ADGRL3: variants seen among roughly 807,000 people sequenced by gnomAD.
ADGRL3 encodes the protein calcium-independent alpha-latrotoxin receptor 3.
Under a neutral mutation model 153.5 loss-of-function variants are expected in ADGRL3, and 62 were observed. The observed-to-expected ratio is 0.40, with a 90% confidence interval of 0.33 to 0.50. ADGRL3 has a LOEUF of 0.50. Ranked by LOEUF, ADGRL3 falls within the 20% of genes least tolerant of loss-of-function variation. The pLI, the probability that ADGRL3 is intolerant of heterozygous loss-of-function variation, is 0.47. For synonymous variants in ADGRL3, 710 were observed against 672.5 expected (o/e 1.06, Z -0.86); for missense variants, 1,641 against 1,859.4 (o/e 0.88, Z 2.16).
At chr4:61,898,781 G>A (rs143492287) in intron 11 of ADGRL3, among the ~76,000 whole-genome samples, 268 of 152,002 alleles carry the variant, frequency 1.8e-3, no homozygotes, top group Non-Finnish European at 2.9e-3. Flanking sequence ...AACACTTGGC[G>A]AATTTTTTGT....
In ADGRL3 at chr4:62,070,593, G is replaced by T; in HGVS notation, c.4317G>T (p.Glu1439Asp). ...SESFFPLLTNEHTEDLQSPHR... is the reference protein window; with the variant it reads ...SESFFPLLTNDHTEDLQSPHR... ...GCTTTTTCCCTTTGCTAACCAACGA[G>T]CACACAGAAGATCTCCAGTCACCCC... Residue 1439 changes from glutamate (E) to aspartate (D), a missense_variant, in exon 27 of 27, where the codon GAG (glutamate) becomes GAT (aspartate). Glu to Asp is a conservative substitution (Grantham distance 45). Transcript: ENST00000683033. The T allele has an allele frequency of 6.4e-7, 1 of 1,550,888 alleles. No individual in the cohort carries two copies. Among genetic ancestry groups the T allele is most frequent in the African/African-American group, 1.4e-5 (1 of 72,774 alleles).
In ADGRL3 at chr4:62,038,669, T is replaced by G. The variant is rs534667831; in HGVS notation, c.3717+813T>G. On this transcript the variant is annotated intron_variant, in intron 24 of 26. Coordinates refer to ENST00000683033, the MANE Select transcript of ADGRL3 (RefSeq NM_001387552.1). ...CAGGCTGGAGTGCAGTGGTACAATC[T>G]CAGCTCACTGAAACCCCTTCCCCCT... Among the ~76,000 whole-genome samples, 15 of 152,258 alleles carry G rather than the reference T, an allele frequency of 9.9e-5. No homozygotes were observed. The East Asian group carries it at 2.7e-3, about 27-fold the overall frequency.
chr4:61,758,027 T>A (rs2096859423), intron 8 of ADGRL3, among the ~76,000 whole-genome samples: 1 of 152,110 alleles, frequency 6.6e-6, no homozygotes, highest in Admixed American at 6.6e-5. Flanking sequence ...TGCTGAGGAG[T>A]GCTTTACTTC....
chr4:61,607,497 C>T (rs572498828), intron 5 of ADGRL3, among the ~76,000 whole-genome samples: 6 of 152,014 alleles, frequency 3.9e-5, no homozygotes, highest in South Asian at 2.1e-4. Flanking sequence ...CTACTCAGGA[C>T]GCTGAAGCAG....
At chr4:61,291,810 A>T (rs1218220236) in intron 1 of ADGRL3, among the ~76,000 whole-genome samples, 3 of 148,366 alleles carry the variant, frequency 2.0e-5, no homozygotes, top group Non-Finnish European at 4.4e-5. Flanking sequence ...GAGACGTTCT[A>T]TATGCGAAGA....
chr4:61,235,449 A>C (rs1176931224), intron 1 of ADGRL3, among the ~76,000 whole-genome samples: 1 of 152,204 alleles, frequency 6.6e-6, no homozygotes, highest in Non-Finnish European at 1.5e-5. Context: ...ATGATACTGT[A>C]GTGTATTAGA....
chr4:61,755,193 C>T (rs1336802513), intron 8 of ADGRL3, among the ~76,000 whole-genome samples: 1 of 152,152 alleles, frequency 6.6e-6, no homozygotes, highest in Non-Finnish European at 1.5e-5. Context: ...GGAATCGCCA[C>T]ACTGACTTCC....
intron 1 of ADGRL3, among the ~76,000 whole-genome samples, chr4:61,290,663 AAAGGAAGG>A (rs35577402): frequency 9.9e-4 from 145 of 146,156 alleles, no homozygotes; most frequent in African/African-American, 3.1e-3. Context: ...AGGAAGGAAG[AAAGGAAGG>A]AAGGAAGGAA....
At chr4:61,768,225 G>A (rs2097026872) in intron 8 of ADGRL3, among the ~76,000 whole-genome samples, 2 of 152,120 alleles carry the variant, frequency 1.3e-5, no homozygotes, top group South Asian at 2.1e-4. Context: ...GGGAGGGCTA[G>A]TCACAGAAGG....
chr4:61,285,451 G>C (rs1055950713), intron 1 of ADGRL3, among the ~76,000 whole-genome samples: 4 of 151,678 alleles, frequency 2.6e-5, no homozygotes, highest in African/African-American at 7.3e-5. Flanking sequence ...TCAACCATCT[G>C]CTTAGGTTGC....
At chr4:61,769,644 T>A (rs191098247) in intron 8 of ADGRL3, among the ~76,000 whole-genome samples, 1 of 151,672 alleles carries the variant, frequency 6.6e-6, no homozygotes, top group Non-Finnish European at 1.5e-5. Context: ...CCGAAAAGGG[T>A]CAGTGAAGGG....
chr4:61,847,420 T>C (rs534903258), intron 9 of ADGRL3, among the ~76,000 whole-genome samples: 1 of 149,670 alleles, frequency 6.7e-6, no homozygotes, highest in Non-Finnish European at 1.5e-5. Context: ...ACACCAAATC[T>C]ATAGTGCCAT....
At chr4:61,791,841 G>A (rs1462418884) in intron 8 of ADGRL3, among the ~76,000 whole-genome samples, 1 of 152,184 alleles carries the variant, frequency 6.6e-6, no homozygotes, top group Non-Finnish European at 1.5e-5. Flanking sequence ...TGCACCCTCT[G>A]AAGCCATGGC....
At chr4:61,762,537 C>T (rs1056104086) in intron 8 of ADGRL3, among the ~76,000 whole-genome samples, 2 of 152,072 alleles carry the variant, frequency 1.3e-5, no homozygotes, top group Non-Finnish European at 2.9e-5. Flanking sequence ...ATTAAGTAGG[C>T]TTACTACTAT....
chr4:61,253,691 C>CACACACACACA (rs2091681749), intron 1 of ADGRL3, among the ~76,000 whole-genome samples: 2 of 140,396 alleles, frequency 1.4e-5, no homozygotes, highest in Non-Finnish European at 1.6e-5. Flanking sequence ...ATGTTCAGTT[C>CACACACACACA]CACACACACA....
At chr4:61,929,316 C>A (rs527474080) in intron 13 of ADGRL3, among the ~76,000 whole-genome samples, 1 of 152,248 alleles carries the variant, frequency 6.6e-6, no homozygotes, top group Non-Finnish European at 1.5e-5. Context: ...AGCTTCTCAG[C>A]TTCCAGAACT....
intron 8 of ADGRL3, among the ~76,000 whole-genome samples, chr4:61,766,178 T>C (rs933117873): frequency 8.6e-5 from 13 of 151,938 alleles, no homozygotes; most frequent in African/African-American, 1.5e-4. Context: ...GGAGGTAGGA[T>C]TGAAGTCTGG....
intron 1 of ADGRL3, among the ~76,000 whole-genome samples, chr4:61,299,770 A>G (rs1451941344): frequency 3.3e-5 from 5 of 152,190 alleles, no homozygotes; most frequent in Non-Finnish European, 5.9e-5. Flanking sequence ...TTTATGTTGT[A>G]CATTTTCCCA....
At chr4:61,595,293 C>A (rs572017242) in intron 5 of ADGRL3, among the ~76,000 whole-genome samples, 2 of 152,240 alleles carry the variant, frequency 1.3e-5, no homozygotes, top group South Asian at 4.1e-4. Context: ...GAAGCCAGCA[C>A]GTCTCAGAGC....
Sources: gnomAD v4.1 joint callset for allele counts (sites outside exome capture counted in the v4.1 genomes callset) on GRCh38, gnomAD v4.1.1 for gene constraint, MANE v1.5 for transcripts, NCBI Gene and HGNC (gene_info 2026-07-23, HGNC 2026-07-21) for gene names.